SDK1: variants seen among roughly 807,000 people sequenced by gnomAD.
SDK1 encodes protein sidekick-1.
SDK1 carries 157 observed loss-of-function variants against 245.5 expected under a neutral mutation model. The ratio of observed to expected loss-of-function variants is 0.64; its 90% confidence interval spans 0.56 to 0.73. The LOEUF (loss-of-function observed/expected upper bound fraction) is 0.73. Among genes scored for constraint, SDK1 ranks in the 30% least tolerant of loss-of-function variants. The probability of loss-of-function intolerance (pLI) is 0.00; values close to 1 mark genes in which losing one functional copy is unlikely to be tolerated. For missense variants in SDK1, 3,583 were observed against 3,002.3 expected, an observed-to-expected ratio of 1.19 and a Z score of -4.52; for synonymous variants, 1,647 against 1,278.5, an observed-to-expected ratio of 1.29 and a Z score of -6.15.
At chr7:4,170,363 C>T (rs1019637089) in intron 32 of SDK1, among the ~76,000 whole-genome samples, 3 of 152,084 alleles carry the variant, frequency 2.0e-5, no homozygotes, top group African/African-American at 7.2e-5. Flanking sequence ...AGGAGGATCG[C>T]TTGAGCCCAG....
chr7:3,788,573 G>A (rs1039652397), intron 4 of SDK1, among the ~76,000 whole-genome samples: 6 of 152,166 alleles, frequency 3.9e-5, no homozygotes, highest in African/African-American at 1.4e-4. Context: ...GGTCAGGGGT[G>A]TCCAATCTTT....
chr7:3,474,106 T>TTG (rs1781271294), intron 1 of SDK1, among the ~76,000 whole-genome samples: 4 of 133,572 alleles, frequency 3.0e-5, no homozygotes. Context: ...TTTTTTTTTT[T>TTG]TTTTTTTTTT....
At chr7:3,317,180 CAAAAAAAAAAA>C (rs57138474) in intron 1 of SDK1, among the ~76,000 whole-genome samples, 3 of 32,712 alleles carry the variant, frequency 9.2e-5, no homozygotes, top group Non-Finnish European at 1.7e-4. Context: ...GACTCTGTCT[CAAAAAAAAAAA>C]AAAAAAAAAA....
chr7:3,615,556 A>G (rs1191584639), intron 1 of SDK1, among the ~76,000 whole-genome samples: 1 of 151,774 alleles, frequency 6.6e-6, no homozygotes, highest in Non-Finnish European at 1.5e-5. Context: ...CTTAAGGGAC[A>G]GCGACTGTGT....
intron 1 of SDK1, chr7:3,338,546 G>T: frequency 5.3e-6 from 2 of 375,664 alleles, no homozygotes; most frequent in South Asian, 2.8e-5. Context: ...TTTGTGAGAA[G>T]CAGTGGAGAG....
rs368795551 is a variant in SDK1, at chr7:4,012,251, T to C, written c.2420+16T>C. ...ACATCCTCAGGCAAGTGCCCTGTGATTGGCCATCTTTAGGCCGCCATTAGA... is the reference window on the plus strand; with the variant it reads ...ACATCCTCAGGCAAGTGCCCTGTGACTGGCCATCTTTAGGCCGCCATTAGA... On this transcript the variant is annotated intron_variant, in intron 16 of 44. Transcript: ENST00000404826. The C allele has an allele frequency of 2.9e-5, 43 of 1,472,390 alleles. No individual in the cohort carries two copies. The highest frequency in any genetic ancestry group is 3.8e-5 in the Non-Finnish European group (42 of 1,112,498). The allele number at this position is 1,472,390 out of a possible 1,614,324, so 91.2% of individuals were successfully genotyped here.
intron 1 of SDK1, among the ~76,000 whole-genome samples, chr7:3,567,558 G>A (rs185576645): frequency 3.3e-5 from 5 of 152,340 alleles, no homozygotes; most frequent in Admixed American, 2.6e-4. Flanking sequence ...TGAGGTACAT[G>A]CTAGTCATTG....
chr7:4,060,439 C>A (rs1323257485), intron 19 of SDK1, among the ~76,000 whole-genome samples: 2 of 152,110 alleles, frequency 1.3e-5, no homozygotes, highest in African/African-American at 4.8e-5. Flanking sequence ...TAAATGTCTT[C>A]TTTTGAGAAG....
chr7:3,367,366 T>C (rs923109967), intron 1 of SDK1, among the ~76,000 whole-genome samples: 2 of 152,152 alleles, frequency 1.3e-5, no homozygotes, highest in African/African-American at 2.4e-5. Context: ...TAGGAATTAC[T>C]TTTTATGTTT....
At chr7:4,246,123 A>C (rs1786840366) in intron 44 of SDK1, among the ~76,000 whole-genome samples, 1 of 152,156 alleles carries the variant, frequency 6.6e-6, no homozygotes, top group South Asian at 2.1e-4. Flanking sequence ...CGAGCAGTCT[A>C]GATGCTCCAA....
intron 19 of SDK1, among the ~76,000 whole-genome samples, chr7:4,067,537 G>A (rs1455778997): frequency 3.3e-5 from 5 of 152,336 alleles, no homozygotes; most frequent in Non-Finnish European, 7.3e-5. Context: ...CAGCCAGCCT[G>A]ATTGTTCTAA....
intron 1 of SDK1, among the ~76,000 whole-genome samples, chr7:3,407,583 G>A (rs952660649): frequency 2.6e-5 from 4 of 152,162 alleles, no homozygotes; most frequent in African/African-American, 7.2e-5. Flanking sequence ...TGGGCAGCCA[G>A]CTTTCATTTA....
chr7:3,672,793 AT>A (rs1406379031), intron 4 of SDK1, among the ~76,000 whole-genome samples: 12,665 of 95,770 alleles, frequency 0.13, 1,138 homozygotes, highest in Non-Finnish European at 0.2. Context: ...ATATATATAT[AT>A]AAAAAATACA....
At chr7:4,078,252 T>C (rs1780823894) in intron 21 of SDK1, among the ~76,000 whole-genome samples, 1 of 152,166 alleles carries the variant, frequency 6.6e-6, no homozygotes, top group African/African-American at 2.4e-5. Flanking sequence ...TCCTGGGTAG[T>C]GGCTGGAGGC....
At chr7:3,926,711 G>T (rs1157879303) in intron 5 of SDK1, among the ~76,000 whole-genome samples, 1 of 152,170 alleles carries the variant, frequency 6.6e-6, no homozygotes, top group Non-Finnish European at 1.5e-5. Context: ...TTAAAGCCCA[G>T]GCTGTCACAT....
At chr7:3,912,981 T>C (rs921533856) in intron 5 of SDK1, among the ~76,000 whole-genome samples, 56 of 152,380 alleles carry the variant, frequency 3.7e-4, no homozygotes, top group Non-Finnish European at 4.9e-4. Context: ...AAGCAAGATG[T>C]GGATCAGGCT....
rs370804915 is a variant in SDK1 at position 3,579,494 on chromosome 7, C to G, written c.299-39586C>G. On this transcript the variant is annotated intron_variant, in intron 1 of 44. Coordinates refer to ENST00000404826, the MANE Select transcript of SDK1 (RefSeq NM_152744.4). ...TCAGTATCCCTTCAAGTTAAAAACT[C>G]TCAATAAACTACGTGTTGAAGGAAA... Among the ~76,000 whole-genome samples, 27 of 152,278 alleles carry G rather than the reference C, an allele frequency of 1.8e-4. No homozygotes were observed. In the East Asian group the frequency reaches 3.7e-3, roughly 21 times the overall value.
rs190930301 is a variant in SDK1, at chr7:3,566,029, A to G, written c.299-53051A>G. ...CAGCAACGAAAGCAATATAATATCT[A>G]TGAATTAATAAGAATGTATAAAAAT... is the stretch of plus-strand genomic sequence containing the variant. On this transcript the variant is annotated intron_variant, in intron 1 of 44. Coordinates refer to ENST00000404826, the MANE Select transcript of SDK1 (RefSeq NM_152744.4). 2.2e-3 allele frequency among the ~76,000 whole-genome samples: 330 copies of G among 152,298 alleles called. 1 individual carries two copies. Among genetic ancestry groups the G allele is most frequent in the African/African-American group, 7.7e-3 (320 of 41,560 alleles).
At chr7:3,823,952 G>GTT (rs5882006) in intron 5 of SDK1, among the ~76,000 whole-genome samples, 19 of 134,992 alleles carry the variant, frequency 1.4e-4, no homozygotes, top group African/African-American at 5.1e-4. Flanking sequence ...GTTTTTTTGT[G>GTT]TTTTTTTTTT....
Sources: gnomAD v4.1 joint callset for allele counts (sites outside exome capture counted in the v4.1 genomes callset) on GRCh38, gnomAD v4.1.1 for gene constraint, MANE v1.5 for transcripts, NCBI Gene and HGNC (gene_info 2026-07-23, HGNC 2026-07-21) for gene names.